Variants in MYO5B observed in about 807,000 individuals in gnomAD.
MYO5B encodes the protein unconventional myosin-Vb.
Under a neutral mutation model 229.3 loss-of-function variants are expected in MYO5B, and 143 were observed. That is an observed-to-expected ratio of 0.62 (90% CI 0.54 to 0.72). The LOEUF is 0.72. MYO5B is among the 30% of genes least tolerant of loss of function. MYO5B has a pLI of 0.00. For missense variants in MYO5B, 2,321 were observed against 2,331.0 expected (o/e 1.00, Z 0.09); for synonymous variants, 918 against 885.2 (o/e 1.04, Z -0.66).
chr18:50,046,711 C>T (rs1182580284), intron 2 of MYO5B, among the ~76,000 whole-genome samples: 3 of 152,108 alleles, frequency 2.0e-5, no homozygotes, highest in African/African-American at 7.2e-5. Flanking sequence ...TGTGCTATGT[C>T]CTAGACAAGC....
intron 1 of MYO5B, among the ~76,000 whole-genome samples, chr18:50,065,392 C>A (rs771667901): frequency 1.3e-5 from 2 of 152,104 alleles, no homozygotes; most frequent in Non-Finnish European, 2.9e-5. Context: ...TTCATTCACT[C>A]AGTTCTGCAT....
intron 5 of MYO5B, among the ~76,000 whole-genome samples, chr18:49,994,233 G>A (rs1372690609): frequency 6.6e-6 from 1 of 152,138 alleles, no homozygotes; most frequent in African/African-American, 2.4e-5. Context: ...AACCCTCTGT[G>A]TTCATGAGGG....
intron 1 of MYO5B, among the ~76,000 whole-genome samples, chr18:50,161,624 C>T (rs1218634256): frequency 4.6e-5 from 7 of 152,188 alleles, no homozygotes; most frequent in Non-Finnish European, 1.0e-4. Context: ...TAGCTACAGC[C>T]ACTACCTCCG....
chr18:49,833,923 C>T (rs536755556), intron 39 of MYO5B, among the ~76,000 whole-genome samples: 8 of 152,202 alleles, frequency 5.3e-5, no homozygotes, highest in Non-Finnish European at 1.0e-4. Context: ...CTGCCCCATT[C>T]TGCGGCCTGT....
chr18:49,879,315 G>T, intron 23 of MYO5B: 1 of 570,914 alleles, frequency 1.8e-6, no homozygotes, highest in Admixed American at 3.0e-5. Context: ...TCAGGGAATG[G>T]GGAGAGAGAA....
intron 26 of MYO5B, among the ~76,000 whole-genome samples, chr18:49,873,390 C>T (rs370322115): frequency 2.0e-5 from 3 of 152,324 alleles, no homozygotes; most frequent in African/African-American, 7.2e-5. Context: ...ACTGTGGATG[C>T]ACTAGCGTGC....
intron 2 of MYO5B, among the ~76,000 whole-genome samples, chr18:50,043,272 ATATATT>A (rs2030076933): frequency 4.9e-5 from 5 of 102,754 alleles, no homozygotes; most frequent in Middle Eastern, 4.6e-3. Context: ...ATATTTATAA[ATATATT>A]TATATTTATA....
At chr18:50,071,438 C>T (rs1481252530) in intron 1 of MYO5B, among the ~76,000 whole-genome samples, 1 of 152,210 alleles carries the variant, frequency 6.6e-6, no homozygotes, top group Non-Finnish European at 1.5e-5. Context: ...GAAGCAGATG[C>T]TGAATGGACG....
At chr18:50,063,519 A>T (rs191612022) in intron 1 of MYO5B, among the ~76,000 whole-genome samples, 68 of 152,316 alleles carry the variant, frequency 4.5e-4, no homozygotes, top group African/African-American at 1.6e-3. Flanking sequence ...AAAGAACTAT[A>T]ACATAATATA....
chr18:50,179,715 G>C (rs1003803633), intron 1 of MYO5B, among the ~76,000 whole-genome samples: 1 of 152,196 alleles, frequency 6.6e-6, no homozygotes, highest in Non-Finnish European at 1.5e-5. Context: ...GCCATGGAAG[G>C]CTTCAGCATT....
At chr18:50,170,216 T>C (rs1159908285) in intron 1 of MYO5B, among the ~76,000 whole-genome samples, 1 of 127,480 alleles carries the variant, frequency 7.8e-6, no homozygotes, top group Non-Finnish European at 1.7e-5. Flanking sequence ...AAAGGAGGCT[T>C]GGCCGGAAGC....
chr18:49,855,989 G>A (rs535162652), intron 30 of MYO5B, among the ~76,000 whole-genome samples: 41 of 152,294 alleles, frequency 2.7e-4, no homozygotes, highest in African/African-American at 9.6e-4. Context: ...ATCTCTTGTT[G>A]AGTCAGGCTC....
At chr18:49,895,318 C>T (rs1483679801) in intron 21 of MYO5B, 144 bp from the exon 22 acceptor site, 9 of 725,816 alleles carry the variant, frequency 1.2e-5, no homozygotes, top group African/African-American at 8.7e-5. Context: ...TGCTCAAGTG[C>T]TTGCCTGGCA....
At chr18:49,963,267 G>T (rs2025581951) in intron 10 of MYO5B, among the ~76,000 whole-genome samples, 1 of 151,910 alleles carries the variant, frequency 6.6e-6, no homozygotes, top group African/African-American at 2.4e-5. Context: ...TTTTGGAAAA[G>T]AAAGTTTAAA....
intron 26 of MYO5B, among the ~76,000 whole-genome samples, chr18:49,875,070 T>C (rs2024502032): frequency 6.6e-6 from 1 of 152,186 alleles, no homozygotes; most frequent in East Asian, 1.9e-4. Flanking sequence ...TTAATGAACA[T>C]TTTGTGTACC....
intron 1 of MYO5B, among the ~76,000 whole-genome samples, chr18:50,089,639 G>C (rs938145385): frequency 6.6e-6 from 1 of 151,632 alleles, no homozygotes; most frequent in African/African-American, 2.4e-5. Flanking sequence ...TCCCAGTGTC[G>C]TAGGAGTTAT....
At chr18:50,078,955 C>G (rs1027269279) in intron 1 of MYO5B, among the ~76,000 whole-genome samples, 2 of 152,250 alleles carry the variant, frequency 1.3e-5, no homozygotes, top group African/African-American at 4.8e-5. Flanking sequence ...AAGGACACAT[C>G]TCATTTATAA....
chr18:50,093,610 A>G (rs1409050673), intron 1 of MYO5B, among the ~76,000 whole-genome samples: 1 of 152,154 alleles, frequency 6.6e-6, no homozygotes, highest in East Asian at 1.9e-4. Context: ...AGGATGAGAT[A>G]GGAGGTCAGC....
intron 1 of MYO5B, among the ~76,000 whole-genome samples, chr18:50,072,099 G>A (rs1230450480): frequency 1.3e-5 from 2 of 152,236 alleles, no homozygotes; most frequent in Non-Finnish European, 2.9e-5. Context: ...CCCTTTGGAA[G>A]TTCTCCATGG....
Sources: allele counts gnomAD v4.1 joint callset (sites outside exome capture counted in the v4.1 genomes callset), GRCh38; gene constraint gnomAD v4.1.1; transcripts MANE v1.5; gene names NCBI Gene and HGNC (gene_info 2026-07-23, HGNC 2026-07-21).